The following ANKRD11 variants were observed in gnomAD, a reference collection of about 807,000 sequenced individuals.
The protein encoded by ANKRD11 is ankyrin repeat domain-containing protein 11.
In ANKRD11, 17 loss-of-function variants were observed where a neutral mutation model predicts 195.7. The observed-to-expected ratio is 0.09, with a 90% CI of 0.06 to 0.13. The LOEUF (loss-of-function observed/expected upper bound fraction) is 0.13. ANKRD11 is among the 10% of genes least tolerant of loss of function. The pLI, the probability that ANKRD11 is intolerant of heterozygous loss-of-function variation, is 1.00. For synonymous variants in ANKRD11, 1,953 were observed against 1,528.1 expected (o/e 1.28, Z -6.49); for missense variants, 3,735 against 3,566.1 (o/e 1.05, Z -1.21).
At chr16:89,370,320 G>A (rs180691007) in intron 2 of ANKRD11, among the ~76,000 whole-genome samples, 2 of 152,306 alleles carry the variant, frequency 1.3e-5, no homozygotes, top group African/African-American at 4.8e-5. Flanking sequence ...GTTTCTGGAA[G>A]GAGCTGTGAG....
chr16:89,472,561 C>T (rs2057123132), intron 1 of ANKRD11, among the ~76,000 whole-genome samples: 1 of 152,152 alleles, frequency 6.6e-6, no homozygotes, highest in Admixed American at 6.6e-5. Flanking sequence ...GCTCTGTCCC[C>T]CAGGCTGGAG....
At chr16:89,474,552 T>C (rs1459389461) in intron 1 of ANKRD11, among the ~76,000 whole-genome samples, 10 of 152,058 alleles carry the variant, frequency 6.6e-5, no homozygotes, top group Admixed American at 6.6e-4. Flanking sequence ...CTTCCTTCCA[T>C]GCACAAATAA....
At chr16:89,415,062 G>A (rs1393174767) in intron 2 of ANKRD11, among the ~76,000 whole-genome samples, 4 of 151,364 alleles carry the variant, frequency 2.6e-5, no homozygotes, top group South Asian at 4.2e-4. Context: ...CTTCCTCCCC[G>A]CTCAGCCTCC....
chr16:89,469,394 T>C (rs1384538284), intron 1 of ANKRD11, among the ~76,000 whole-genome samples: 1 of 152,004 alleles, frequency 6.6e-6, no homozygotes, highest in Non-Finnish European at 1.5e-5. Context: ...GCTAATTTTT[T>C]TGCATTTCAG....
intron 7 of ANKRD11, chr16:89,287,928 C>T (rs1210995104): frequency 9.5e-6 from 4 of 420,394 alleles, no homozygotes; most frequent in African/African-American, 2.0e-5. Flanking sequence ...GGGCTCTCCA[C>T]GGAGCTCTGA....
At chr16:89,465,481 A>G (rs1437006027) in intron 1 of ANKRD11, among the ~76,000 whole-genome samples, 2 of 152,202 alleles carry the variant, frequency 1.3e-5, no homozygotes, top group African/African-American at 4.8e-5. Flanking sequence ...CAGACAGTCC[A>G]TCGAGGCCTT....
intron 11 of ANKRD11, 127 bp downstream of exon 11, chr16:89,274,685 CTG>C (rs1298969805): frequency 6.5e-6 from 9 of 1,375,036 alleles, no homozygotes; most frequent in Non-Finnish European, 9.2e-6. Flanking sequence ...GCAAAGGACT[CTG>C]TAGCCCCTGC....
In ANKRD11 at chr16:89,282,811, T is replaced by C. The variant is rs748881761; in HGVS notation, c.3731A>G (p.Lys1244Arg). The C allele has an allele frequency of 1.2e-6, 2 of 1,611,510 alleles. No individual in the cohort carries two copies. The highest frequency in any genetic ancestry group is 8.5e-7 in the Non-Finnish European group (1 of 1,180,028). The change falls in exon 9 of 13, where the codon AAG (lysine) becomes AGG (arginine). Residue 1244 changes from lysine (K) to arginine (R), a missense_variant. Coordinates refer to ENST00000301030, the MANE Select transcript of ANKRD11 (RefSeq NM_013275.6). ...AGCCTTGTCTTCGGCAGCGTGCTTC[T>C]TTTCAGCCTTCTCGGGGAGCTTCTG... is the stretch of plus-strand genomic sequence containing the variant. Reference protein sequence around the residue: ...NKQKLPEKAEKKHAAEDKAKS... With the variant: ...NKQKLPEKAERKHAAEDKAKS...
At chr16:89,457,520 C>G (rs2056490958) in intron 1 of ANKRD11, among the ~76,000 whole-genome samples, 1 of 150,930 alleles carries the variant, frequency 6.6e-6, no homozygotes, top group South Asian at 2.1e-4. Context: ...ATCACTTGAA[C>G]CCGGGAGGCG....
intron 2 of ANKRD11, among the ~76,000 whole-genome samples, chr16:89,355,533 T>G (rs2039431648): frequency 6.6e-6 from 1 of 152,214 alleles, no homozygotes; most frequent in Non-Finnish European, 1.5e-5. Context: ...GCACATGCTC[T>G]GCTCTGAACG....
In ANKRD11 at chr16:89,291,292, G is replaced by T; in HGVS notation, c.227-109C>A. Reference sequence around the variant, plus strand: ...AGCCCCCTGCGTCCACCTGACAGCTGACAGAGCAGAAAGGAAGGTCTGTGT... The same window carrying T: ...AGCCCCCTGCGTCCACCTGACAGCTTACAGAGCAGAAAGGAAGGTCTGTGT... On this transcript the variant is annotated intron_variant, in intron 4 of 12. Transcript: ENST00000301030. The surrounding 1 kb of genome is among the most constrained non-coding windows in gnomAD (Gnocchi z 5.3). The T allele has an allele frequency of 7.3e-7, 1 of 1,370,608 alleles. No individual in the cohort carries two copies. Among genetic ancestry groups the T allele is most frequent in the Non-Finnish European group, 1.0e-6 (1 of 990,090 alleles). 84.9% of individuals were successfully genotyped at this position (1,370,608 alleles called of 1,614,324 possible).
chr16:89,415,850 A>AAAAAAAAAAAAAAAAAAAAAAC (rs928499930), intron 2 of ANKRD11, among the ~76,000 whole-genome samples: 4 of 147,476 alleles, frequency 2.7e-5, no homozygotes, highest in Non-Finnish European at 6.0e-5. Flanking sequence ...AAAAAAAAAA[A>AAAAAAAAAAAAAAAAAAAAAAC]CAATGGAGAA....
chr16:89,462,039 TCCCTCTCC>T (rs1324107883), intron 1 of ANKRD11, among the ~76,000 whole-genome samples: 1 of 124,808 alleles, frequency 8.0e-6, no homozygotes, highest in African/African-American at 3.0e-5. Context: ...CCTCCCCCTC[TCCCTCTCC>T]CCCTCTCCCT....
intron 1 of ANKRD11, among the ~76,000 whole-genome samples, chr16:89,465,443 AG>A (rs1567843469): frequency 6.6e-6 from 1 of 152,190 alleles, no homozygotes; most frequent in Non-Finnish European, 1.5e-5. Flanking sequence ...GACAGAGAAC[AG>A]GGGCAGCACA....
intron 2 of ANKRD11, among the ~76,000 whole-genome samples, chr16:89,373,723 C>T (rs2040295324): frequency 6.6e-6 from 1 of 152,240 alleles, no homozygotes. Context: ...CACAACCCCA[C>T]GCGGGAGGCA....
intron 2 of ANKRD11, among the ~76,000 whole-genome samples, chr16:89,411,059 G>A (rs1298578579): frequency 1.3e-5 from 2 of 152,146 alleles, no homozygotes; most frequent in African/African-American, 4.8e-5. Flanking sequence ...GCCTGCAGAG[G>A]GAGGGGCGGC....
chr16:89,269,939 G>GA (rs2032990054), intron 12 of ANKRD11: 1 of 152,178 alleles, frequency 6.6e-6, no homozygotes, highest in African/African-American at 2.4e-5. Flanking sequence ...CTTCTTACAG[G>GA]AAAGTCTTCC....
At chr16:89,350,367 A>G (rs2039151827) in intron 2 of ANKRD11, among the ~76,000 whole-genome samples, 1 of 152,212 alleles carries the variant, frequency 6.6e-6, no homozygotes, top group Non-Finnish European at 1.5e-5. Context: ...TTTGCATGCA[A>G]CTACTCATAT....
intron 11 of ANKRD11, among the ~76,000 whole-genome samples, chr16:89,274,280 G>T (rs1244961490): frequency 6.6e-6 from 1 of 152,222 alleles, no homozygotes; most frequent in African/African-American, 2.4e-5. Context: ...GGGCAGGACA[G>T]TGACTGTAGT....
Sources: allele counts gnomAD v4.1 joint callset (sites outside exome capture counted in the v4.1 genomes callset), GRCh38; gene constraint gnomAD v4.1.1; non-coding constraint Gnocchi (gnomAD v3.1); transcripts MANE v1.5; gene names NCBI Gene and HGNC (gene_info 2026-07-23, HGNC 2026-07-21).